The following PDE11A variants were observed in gnomAD, a reference collection of about 807,000 sequenced individuals.
PDE11A encodes dual 3',5'-cyclic-AMP and -GMP phosphodiesterase 11A.
In PDE11A, 100 loss-of-function variants were observed where a neutral mutation model predicts 100.5. The ratio of observed to expected loss-of-function variants is 1.00; its 90% confidence interval spans 0.85 to 1.18. The LOEUF is 1.18. Ranked by LOEUF, PDE11A falls within the 50% of genes most tolerant of loss-of-function variation. The probability of loss-of-function intolerance (pLI) is 0.00; values close to 1 mark genes in which losing one functional copy is unlikely to be tolerated. For synonymous variants in PDE11A, 381 were observed against 420.8 expected (o/e 0.91, Z 1.16); for missense variants, 1,141 against 1,152.6 (o/e 0.99, Z 0.15).
At chr2:177,991,751 G>C (rs2086007905) in intron 2 of PDE11A, among the ~76,000 whole-genome samples, 2 of 150,448 alleles carry the variant, frequency 1.3e-5, no homozygotes, top group South Asian at 2.1e-4. Context: ...GGCTGGTCAG[G>C]ATAGAATTCT....
intron 16 of PDE11A, chr2:177,678,006 T>A (rs992538015): frequency 6.6e-6 from 1 of 152,220 alleles, no homozygotes; most frequent in African/African-American, 2.4e-5. Context: ...ATATTCAAAT[T>A]GAGTACAAAG....
chr2:177,735,163 C>A (rs912933345), intron 10 of PDE11A, among the ~76,000 whole-genome samples: 19 of 152,300 alleles, frequency 1.2e-4, no homozygotes, highest in African/African-American at 2.6e-4. Context: ...ACCACAGGAA[C>A]CCCCGGGAGA....
intron 2 of PDE11A, among the ~76,000 whole-genome samples, chr2:177,995,175 GGCT>G (rs967817091): frequency 6.6e-6 from 1 of 152,188 alleles, no homozygotes; most frequent in African/African-American, 2.4e-5. Flanking sequence ...TTGGGCCACT[GGCT>G]GATCTATCTC....
rs1470445934 is a variant in PDE11A, at chr2:177,669,575, A to G, written c.2488-8T>C. 3 of 1,313,390 alleles carry G rather than the reference A, an allele frequency of 2.3e-6. No homozygotes were observed. Among genetic ancestry groups the G allele is most frequent in the Non-Finnish European group, 3.3e-6 (3 of 906,252 alleles). The allele number at this position is 1,313,390 out of a possible 1,614,324, so 81.4% of individuals were successfully genotyped here. A position where few individuals can be genotyped will look rare whatever the true frequency, so the allele number is the denominator to read the frequency against. Reference sequence around the variant, plus strand: ...GGTTACAAGTTCTGCCACCTGAAACATATAAATATTTTAATCTGTGATTAT... The same window carrying G: ...GGTTACAAGTTCTGCCACCTGAAACGTATAAATATTTTAATCTGTGATTAT... On this transcript the variant is annotated splice_polypyrimidine_tract_variant and splice_region_variant and intron_variant, in intron 17 of 19. Transcript: ENST00000286063.
In PDE11A at chr2:178,014,301, C is replaced by T. The variant is rs1158282609; in HGVS notation, c.1071+1G>A. 6.2e-7 allele frequency: 1 copy of T among 1,609,094 alleles called. No homozygotes were observed. On this transcript the variant is annotated splice_donor_variant, in intron 2 of 19. Transcript: ENST00000286063. LOFTEE classifies it high-confidence loss of function. Reference sequence around the variant, plus strand: ...AACTCACAAAAGGCATGAAATCTTACTTTTTCATCATCTTCAGTAAATGGA... The same window carrying T: ...AACTCACAAAAGGCATGAAATCTTATTTTTTCATCATCTTCAGTAAATGGA...
chr2:177,969,884 G>A (rs1268440711), intron 2 of PDE11A, among the ~76,000 whole-genome samples: 3 of 151,888 alleles, frequency 2.0e-5, no homozygotes, highest in Admixed American at 2.0e-4. Flanking sequence ...TCTAATTACT[G>A]GAAATACAAT....
chr2:177,969,500 C>G (rs1450660937), intron 2 of PDE11A, among the ~76,000 whole-genome samples: 2 of 152,122 alleles, frequency 1.3e-5, no homozygotes. Flanking sequence ...GATATAAACA[C>G]TCAGTGTTCC....
intron 2 of PDE11A, among the ~76,000 whole-genome samples, chr2:177,916,927 A>ATTTTTTTTTTTTTTTTTTT (rs1183483256): frequency 1.9e-5 from 2 of 105,314 alleles, no homozygotes; most frequent in African/African-American, 4.3e-5. Flanking sequence ...CGCCCGGCTA[A>ATTTTTTTTTTTTTTTTTTT]TTTTTTTTTT....
chr2:177,884,687 A>T (rs2084398611), intron 4 of PDE11A, among the ~76,000 whole-genome samples: 1 of 152,190 alleles, frequency 6.6e-6, no homozygotes. Context: ...GTTTTGAATC[A>T]TAGGAGAGGC....
intron 2 of PDE11A, among the ~76,000 whole-genome samples, chr2:177,931,049 A>AT (rs1176921102): frequency 6.6e-6 from 1 of 152,058 alleles, no homozygotes; most frequent in Non-Finnish European, 1.5e-5. Context: ...TCTTTTTGTT[A>AT]TTTTTTTCCT....
intron 19 of PDE11A, among the ~76,000 whole-genome samples, chr2:177,656,662 T>G (rs1014044102): frequency 6.6e-6 from 1 of 152,216 alleles, no homozygotes; most frequent in African/African-American, 2.4e-5. Context: ...ATATGGTGGC[T>G]CCAGGAAACC....
At chr2:177,742,077 C>A (rs1457040999) in intron 10 of PDE11A, among the ~76,000 whole-genome samples, 1 of 151,140 alleles carries the variant, frequency 6.6e-6, no homozygotes, top group Non-Finnish European at 1.5e-5. Flanking sequence ...AGGACTGTAA[C>A]CTTGTCAAAT....
Position 177,840,268 on chromosome 2 carries a change from G to C in PDE11A, c.1483C>G (p.Pro495Ala), listed in dbSNP as rs1327260217. The change falls in exon 6 of 20, where the codon CCG becomes GCG. Residue 495 changes from proline (P) to alanine (A), a missense_variant. Physicochemically the swap from Pro to Ala is conservative, Grantham distance 27. Coordinates refer to ENST00000286063, the MANE Select transcript of PDE11A (RefSeq NM_016953.4). The part of the protein sequence containing the change: ...PVNISDAYQD[P>A]RFDAEADQIS... ...CCTCTTACCTCTGCATCAAAGCGCG[G>C]ATCCTGGTAGGCATCACTGATGTTC... 4 of 1,614,146 alleles carry C rather than the reference G, an allele frequency of 2.5e-6. No homozygotes were observed. The South Asian group carries it at 4.4e-5, about 18-fold the overall frequency.
chr2:177,952,275 C>G (rs970718506), intron 2 of PDE11A, among the ~76,000 whole-genome samples: 2 of 152,178 alleles, frequency 1.3e-5, no homozygotes, highest in African/African-American at 4.8e-5. Context: ...GTTATTTTTG[C>G]TTGATAGCAT....
At chr2:177,791,900 G>T (rs1276608700) in intron 9 of PDE11A, among the ~76,000 whole-genome samples, 1 of 152,056 alleles carries the variant, frequency 6.6e-6, no homozygotes, top group Admixed American at 6.6e-5. Flanking sequence ...TGTCCTTAAG[G>T]TGAAAGAAAT....
At chr2:177,881,406 C>A (rs931875333) in intron 4 of PDE11A, among the ~76,000 whole-genome samples, 1 of 148,228 alleles carries the variant, frequency 6.7e-6, no homozygotes, top group African/African-American at 2.5e-5. Flanking sequence ...TATCTAGTCT[C>A]CTATTGGTTC....
intron 1 of PDE11A, among the ~76,000 whole-genome samples, chr2:178,053,375 G>A (rs2086853960): frequency 6.6e-6 from 1 of 152,116 alleles, no homozygotes; most frequent in Non-Finnish European, 1.5e-5. Context: ...AAAATAATAA[G>A]AGCTATTTAT....
chr2:177,639,101 C>T (rs1424254187), intron 19 of PDE11A, among the ~76,000 whole-genome samples: 1 of 152,196 alleles, frequency 6.6e-6, no homozygotes, highest in Non-Finnish European at 1.5e-5. Flanking sequence ...TGCCTGGATT[C>T]CCCCTGCCTG....
In PDE11A at chr2:177,692,085, T is replaced by C. The variant is rs1438599664; in HGVS notation, c.2345+5247A>G. On this transcript the variant is annotated intron_variant, in intron 15 of 19. Coordinates refer to ENST00000286063, the MANE Select transcript of PDE11A (RefSeq NM_016953.4). Reference sequence around the variant, plus strand: ...TACTTATATTAATTTTGCCACAGTTTCTTTCTTTTAGGTTGACATTAATAA... The same window carrying C: ...TACTTATATTAATTTTGCCACAGTTCCTTTCTTTTAGGTTGACATTAATAA... Among the ~76,000 whole-genome samples, 4 of 152,180 alleles carry C rather than the reference T, an allele frequency of 2.6e-5. No homozygotes were observed. In the East Asian group the frequency reaches 7.7e-4, roughly 29 times the overall value.
Sources: gnomAD v4.1 joint callset for allele counts (sites outside exome capture counted in the v4.1 genomes callset) on GRCh38, gnomAD v4.1.1 for gene constraint, MANE v1.5 for transcripts, NCBI Gene and HGNC (gene_info 2026-07-23, HGNC 2026-07-21) for gene names.